WDCP: variants seen among roughly 807,000 people sequenced by gnomAD.
WDCP encodes the protein WD repeat and coiled-coil-containing protein.
Under a neutral mutation model 41.6 loss-of-function variants are expected in WDCP, and 19 were observed. That is an observed-to-expected ratio of 0.46 (90% CI 0.32 to 0.67). The LOEUF (loss-of-function observed/expected upper bound fraction) is 0.67. Ranked by LOEUF, WDCP falls within the 30% of genes least tolerant of loss-of-function variation. The pLI, the probability that WDCP is intolerant of heterozygous loss-of-function variation, is 0.04. For synonymous variants in WDCP, 302 were observed against 320.8 expected, an observed-to-expected ratio of 0.94 and a Z score of 0.63; for missense variants, 802 against 850.7, an observed-to-expected ratio of 0.94 and a Z score of 0.71.
chr2:24,045,884 A>G (rs1334055286), intron 1 of WDCP: 6 of 152,204 alleles, frequency 3.9e-5, no homozygotes, highest in Non-Finnish European at 7.3e-5. Flanking sequence ...TACAGAGCGT[A>G]GCATGGCCCC....
rs1360622412 is a variant in WDCP, at chr2:24,030,071, A to T, written c.*862T>A. 1 of 152,522 alleles carries T rather than the reference A, an allele frequency of 6.6e-6. No homozygotes were observed. Among genetic ancestry groups the T allele is most frequent in the Non-Finnish European group, 1.5e-5 (1 of 68,050 alleles). The allele number at this position is 152,522 out of a possible 1,614,324, so 9.4% of individuals were successfully genotyped here. On this transcript the variant is annotated 3_prime_UTR_variant, in exon 4 of 4. Coordinates refer to ENST00000295148, the MANE Select transcript of WDCP (RefSeq NM_025203.3). ...AATAAAAATATCAAATTAAAGTGAC[A>T]AGTTAACTAAGGGAGCTGACTACTG...
chr2:24,030,732 G>A lies in WDCP; in HGVS notation c.*201C>T. On this transcript the variant is annotated 3_prime_UTR_variant, in exon 4 of 4. Transcript: ENST00000295148. ...CATGAATACATAAACACCACTTTCG[G>A]AGCCATCTAATAAAGACTGAGCTCT... 9.0e-6 allele frequency: 5 copies of A among 555,294 alleles called. No individual in the cohort carries two copies. In the East Asian group the frequency reaches 1.4e-4, roughly 16 times the overall value. 34.4% of individuals were successfully genotyped at this position (555,294 alleles called of 1,614,324 possible).
chr2:24,042,404 C>T (rs1486006834), intron 1 of WDCP, among the ~76,000 whole-genome samples: 3 of 151,916 alleles, frequency 2.0e-5, no homozygotes, highest in Non-Finnish European at 2.9e-5. Flanking sequence ...GGTGTGTTGG[C>T]GGGCGCCTGT....
At chr2:24,037,348 A>G (rs1430206509) in intron 2 of WDCP, among the ~76,000 whole-genome samples, 1 of 152,202 alleles carries the variant, frequency 6.6e-6, no homozygotes, top group Non-Finnish European at 1.5e-5. Flanking sequence ...TAACTGGAGG[A>G]GTATCTCTAT....
rs1663084889 is a variant in WDCP, at chr2:24,031,100, T to C, written c.1999A>G (p.Thr667Ala). ...EGFIPLTFTA[T>A]QEIIIRDGSL... Reference sequence around the variant, plus strand: ...CCATCTCTTATGATTATTTCCTGTGTGGCTGTGAAGGTTAACGGGATAAAG... The same window carrying C: ...CCATCTCTTATGATTATTTCCTGTGCGGCTGTGAAGGTTAACGGGATAAAG... Residue 667 changes from threonine to alanine, a missense_variant, in exon 4 of 4, where the codon ACA becomes GCA. Coordinates refer to ENST00000295148, the MANE Select transcript of WDCP (RefSeq NM_025203.3). 2.0e-5 allele frequency: 33 copies of C among 1,614,240 alleles called. No homozygotes were observed. Among genetic ancestry groups the C allele is most frequent in the Non-Finnish European group, 2.6e-5 (31 of 1,180,040 alleles).
chr2:24,034,164 T>C (rs1663173478), intron 2 of WDCP, among the ~76,000 whole-genome samples: 1 of 152,204 alleles, frequency 6.6e-6, no homozygotes. Context: ...CTCACGCCTG[T>C]AATCCCAGAA....
chr2:24,035,249 G>T (rs1663208794), intron 2 of WDCP, among the ~76,000 whole-genome samples: 1 of 151,776 alleles, frequency 6.6e-6, no homozygotes, highest in Non-Finnish European at 1.5e-5. Context: ...AGCTCTGTGT[G>T]CTGATATAAA....
rs541831305 is a variant in WDCP at position 24,039,970 on chromosome 2, T to C, written c.-18-458A>G. Among the ~76,000 whole-genome samples, 15 of 152,138 alleles carry C rather than the reference T, an allele frequency of 9.9e-5. No homozygotes were observed. In the South Asian group the frequency reaches 2.7e-3, roughly 27 times the overall value. ...CTGCCACCAGGCCCAGCTAATTTTT[T>C]TTTTATTTTTAGTAGAGACGGGGTT... On this transcript the variant is annotated intron_variant, in intron 1 of 3. Coordinates refer to ENST00000295148, the MANE Select transcript of WDCP (RefSeq NM_025203.3).
chr2:24,039,241 A>C lies in WDCP; in HGVS notation c.254T>G (p.Val85Gly). The change falls in exon 2 of 4, where the codon GTC becomes GGC. Residue 85 changes from valine to glycine, a missense_variant. Val to Gly is a moderately radical substitution (Grantham distance 109, BLOSUM62 -3). This residue lies in a region of WDCP where 214 missense variants were observed against 252.9 expected (regional missense o/e 0.85). Coordinates refer to ENST00000295148, the MANE Select transcript of WDCP (RefSeq NM_025203.3). ...VLLAVQHEKH[V>G]TVWQLCPSPM... Reference sequence around the variant, plus strand: ...GCTGGGACACAGCTGCCACACAGTGACATGCTTCTCATGCTGGACAGCGAG... The same window carrying C: ...GCTGGGACACAGCTGCCACACAGTGCCATGCTTCTCATGCTGGACAGCGAG... 3 of 1,614,244 alleles carry C rather than the reference A, an allele frequency of 1.9e-6. No homozygotes were observed. Among genetic ancestry groups the C allele is most frequent in the Non-Finnish European group, 2.5e-6 (3 of 1,180,042 alleles).
In WDCP at chr2:24,037,621, CT is replaced by C. The variant is rs1663294080; in HGVS notation, c.1818+55del. ...CCTCATCAATACGTTTCTTGCAGTA[CT>C]CACCGGCTGCAGGAGCTTTTATGTA... On this transcript the variant is annotated intron_variant, in intron 2 of 3. Coordinates refer to ENST00000295148, the MANE Select transcript of WDCP (RefSeq NM_025203.3). 9 of 1,503,918 alleles carry C rather than the reference CT, an allele frequency of 6.0e-6. No homozygotes were observed. The South Asian group carries it at 1.2e-4, about 19-fold the overall frequency. The allele number at this position is 1,503,918 out of a possible 1,614,324, so 93.2% of individuals were successfully genotyped here.
chr2:24,047,135 T>G (rs1237761219), intron 1 of WDCP, among the ~76,000 whole-genome samples, 179 bp downstream of exon 1: 6 of 151,766 alleles, frequency 4.0e-5, no homozygotes. Context: ...CACCCACCCC[T>G]AGCTCGATCC....
chr2:24,031,222 AT>A (rs1663087707), intron 3 of WDCP, 60 bp from the exon 4 acceptor site: 1 of 1,293,276 alleles, frequency 7.7e-7, no homozygotes, highest in Non-Finnish European at 1.1e-6. Flanking sequence ...GATGAAACAT[AT>A]GACTACAAAT....
At chr2:24,044,793 T>C (rs1201919541) in intron 1 of WDCP, among the ~76,000 whole-genome samples, 3 of 146,074 alleles carry the variant, frequency 2.1e-5, no homozygotes, top group Admixed American at 1.4e-4. Flanking sequence ...CTGCATACTA[T>C]GTGTTGTTGG....
At chr2:24,031,837 A>T (rs1023121412) in intron 3 of WDCP, among the ~76,000 whole-genome samples, 1 of 151,750 alleles carries the variant, frequency 6.6e-6, no homozygotes, top group African/African-American at 2.4e-5. Context: ...AAAAAAAAAA[A>T]AGAAAGAAAG....
Position 24,039,029 on chromosome 2 carries a change from G to T in WDCP, c.466C>A (p.Gln156Lys). The T allele has an allele frequency of 1.5e-5, 25 of 1,614,128 alleles. No homozygotes were observed. Among genetic ancestry groups the T allele is most frequent in the Non-Finnish European group, 2.1e-5 (25 of 1,180,038 alleles). Residue 156 changes from glutamine (Q) to lysine (K), a missense_variant, in exon 2 of 4, where the codon CAG becomes AAG. Around this residue, in one of 5 missense-constraint regions of WDCP, gnomAD observed 214 missense variants for 252.9 expected, o/e 0.85. Coordinates refer to ENST00000295148, the MANE Select transcript of WDCP (RefSeq NM_025203.3). ...CAACATGCACAGTGAATGCGGCCCTGGGTGTTGATGTCTGCCTTTACCTGG... is the reference window on the plus strand; with the variant it reads ...CAACATGCACAGTGAATGCGGCCCTTGGTGTTGATGTCTGCCTTTACCTGG... ...DSQVKADINTQGRIHCACWTQ... is the reference protein window; with the variant it reads ...DSQVKADINTKGRIHCACWTQ...
In WDCP at chr2:24,030,843, G is replaced by A. The variant is rs572531714; in HGVS notation, c.*90C>T. On this transcript the variant is annotated 3_prime_UTR_variant, in exon 4 of 4. Coordinates refer to ENST00000295148, the MANE Select transcript of WDCP (RefSeq NM_025203.3). Reference sequence around the variant, plus strand: ...GGCAAGCGCTTCGCCTGAGTGCAGTGGGAGTCTCATTGGCGAGTGTCCAGT... The same window carrying A: ...GGCAAGCGCTTCGCCTGAGTGCAGTAGGAGTCTCATTGGCGAGTGTCCAGT... 50 of 991,754 alleles carry A rather than the reference G, an allele frequency of 5.0e-5. No individual in the cohort carries two copies. In the African/African-American group the frequency reaches 7.8e-4, roughly 15 times the overall value. The allele number at this position is 991,754 out of a possible 1,614,324, so 61.4% of individuals were successfully genotyped here.
chr2:24,044,791 T>C (rs1454011385), intron 1 of WDCP, among the ~76,000 whole-genome samples: 2 of 144,800 alleles, frequency 1.4e-5, no homozygotes, highest in Non-Finnish European at 3.0e-5. Context: ...GCCTGCATAC[T>C]ATGTGTTGTT....
intron 1 of WDCP, among the ~76,000 whole-genome samples, chr2:24,044,988 C>T (rs950125280): frequency 6.6e-6 from 1 of 152,128 alleles, no homozygotes; most frequent in African/African-American, 2.4e-5. Flanking sequence ...AGTTTATTCT[C>T]TGATCATAAA....
intron 1 of WDCP, among the ~76,000 whole-genome samples, chr2:24,041,340 C>A (rs1278781676): frequency 0.026 from 3,283 of 127,314 alleles, 128 homozygotes; most frequent in African/African-American, 0.088. Context: ...ACTCTATCTC[C>A]AAAAAAAAAA....
Sources: gnomAD v4.1 joint callset for allele counts (sites outside exome capture counted in the v4.1 genomes callset) on GRCh38, gnomAD v4.1.1 for gene constraint, gnomAD v4.1.1 regional missense constraint, MANE v1.5 for transcripts, NCBI Gene and HGNC (gene_info 2026-07-23, HGNC 2026-07-21) for gene names.